Variants in CADPS observed in about 807,000 individuals in gnomAD.
CADPS encodes calcium dependent secretion activator, also known as calcium-dependent secretion activator 1.
CADPS carries 57 observed loss-of-function variants against 167.3 expected under a neutral mutation model. The observed-to-expected ratio is 0.34, with a 90% CI of 0.28 to 0.42. The LOEUF (loss-of-function observed/expected upper bound fraction) is 0.42. Among genes scored for constraint, CADPS ranks in the 20% least tolerant of loss-of-function variants. The probability of loss-of-function intolerance (pLI) is 1.00; values close to 1 mark genes in which losing one functional copy is unlikely to be tolerated. For missense variants in CADPS, 1,414 were observed against 1,738.1 expected (o/e 0.81, Z 3.32); for synonymous variants, 676 against 635.3 (o/e 1.06, Z -0.96).
At chr3:62,603,888 G>A (rs1276604021) in intron 6 of CADPS, among the ~76,000 whole-genome samples, 2 of 151,690 alleles carry the variant, frequency 1.3e-5, no homozygotes, top group African/African-American at 2.4e-5. Flanking sequence ...GTGCAGTGGC[G>A]TGATCTCGGC....
chr3:62,404,715 A>C (rs1707749030), intron 28 of CADPS: 1 of 151,796 alleles, frequency 6.6e-6, no homozygotes, highest in South Asian at 2.1e-4. Flanking sequence ...CATGGAGGCG[A>C]AACTGTCAGT....
chr3:62,818,059 T>C (rs2094711256), intron 1 of CADPS, among the ~76,000 whole-genome samples: 1 of 152,168 alleles, frequency 6.6e-6, no homozygotes, highest in African/African-American at 2.4e-5. Flanking sequence ...ATGTTAAAAT[T>C]CAGCGCCAAG....
chr3:62,693,627 C>CA (rs1429794840), intron 3 of CADPS, among the ~76,000 whole-genome samples: 3 of 151,072 alleles, frequency 2.0e-5, no homozygotes, highest in Non-Finnish European at 4.4e-5. Context: ...ACCAAAAATA[C>CA]AAAAAAAATT....
At chr3:62,668,909 G>A (rs958643564) in intron 3 of CADPS, among the ~76,000 whole-genome samples, 3 of 152,184 alleles carry the variant, frequency 2.0e-5, no homozygotes, top group Non-Finnish European at 2.9e-5. Context: ...AACGATCAGT[G>A]AGGGCTGGGA....
intron 1 of CADPS, among the ~76,000 whole-genome samples, chr3:62,820,863 C>T (rs953184840): frequency 6.8e-5 from 10 of 147,602 alleles, no homozygotes; most frequent in Non-Finnish European, 1.2e-4. Context: ...TGCAGTGGTG[C>T]GATCTTGGCT....
chr3:62,814,676 C>T (rs2152892762), intron 1 of CADPS, among the ~76,000 whole-genome samples: 1 of 152,198 alleles, frequency 6.6e-6, no homozygotes, highest in South Asian at 2.1e-4. Context: ...ACTTACAATT[C>T]CTTAAAAACT....
chr3:62,486,440 G>A lies in CADPS; in HGVS notation c.3027-4571C>T, dbSNP rs868036189. ...AGCCTGGGCGACAGAGCAAGACTCC[G>A]TCTCAAAAAAAAAAAAAAAAAAAAA... On this transcript the variant is annotated intron_variant, in intron 21 of 29. Transcript: ENST00000383710. Among the ~76,000 whole-genome samples the A allele has an allele frequency of 3.3e-3, 350 of 106,590 alleles. 2 individuals are homozygous for A. Among genetic ancestry groups the A allele is most frequent in the African/African-American group, 0.014 (312 of 22,766 alleles). 69.9% of individuals were successfully genotyped at this position (106,590 alleles called of 152,430 possible).
chr3:62,845,822 C>T (rs1013900196), intron 1 of CADPS, among the ~76,000 whole-genome samples: 1 of 152,136 alleles, frequency 6.6e-6, no homozygotes, highest in Admixed American at 6.5e-5. Context: ...TGACATGTGG[C>T]ATGCTTCTCT....
At chr3:62,572,191 T>G (rs964921403) in intron 8 of CADPS, among the ~76,000 whole-genome samples, 1 of 152,062 alleles carries the variant, frequency 6.6e-6, no homozygotes, top group East Asian at 1.9e-4. Flanking sequence ...CCCTTAAGAG[T>G]GGCTGGCAGC....
chr3:62,419,410 C>T (rs938431533), intron 28 of CADPS, among the ~76,000 whole-genome samples: 3 of 152,166 alleles, frequency 2.0e-5, no homozygotes, highest in African/African-American at 7.2e-5. Flanking sequence ...AGCCTCCATC[C>T]TCTCAAAGGA....
intron 3 of CADPS, among the ~76,000 whole-genome samples, chr3:62,724,445 C>T (rs1480737373): frequency 6.6e-6 from 1 of 152,168 alleles, no homozygotes; most frequent in East Asian, 1.9e-4. Flanking sequence ...CACAGACATA[C>T]ATTTAATTTT....
chr3:62,409,271 A>G (rs2048489174), intron 28 of CADPS, among the ~76,000 whole-genome samples: 1 of 152,252 alleles, frequency 6.6e-6, no homozygotes, highest in South Asian at 2.1e-4. Flanking sequence ...TTATAGAAGT[A>G]ATGGATTGGT....
chr3:62,628,441 A>C (rs73840550), intron 6 of CADPS, among the ~76,000 whole-genome samples: 2,035 of 152,240 alleles, frequency 0.013, 41 homozygotes, highest in African/African-American at 0.046. Context: ...AAAATCTAGT[A>C]ATATGCTTTG....
intron 3 of CADPS, among the ~76,000 whole-genome samples, chr3:62,669,748 T>C (rs908079464): frequency 1.3e-5 from 2 of 152,176 alleles, no homozygotes; most frequent in South Asian, 2.1e-4. Context: ...ACCTACCTCA[T>C]AGGATCGATA....
intron 28 of CADPS, among the ~76,000 whole-genome samples, chr3:62,436,955 G>C (rs1294674708): frequency 6.6e-6 from 1 of 151,742 alleles, no homozygotes; most frequent in Non-Finnish European, 1.5e-5. Flanking sequence ...CGCAGAATCA[G>C]AAAGCGGTGC....
intron 9 of CADPS, among the ~76,000 whole-genome samples, chr3:62,567,255 GT>G (rs2080388907): frequency 6.6e-6 from 1 of 151,930 alleles, no homozygotes. Context: ...TCTGAGAATG[GT>G]TGTCACCAGC....
chr3:62,872,088 C>T (rs988447761), intron 1 of CADPS, among the ~76,000 whole-genome samples: 2 of 150,844 alleles, frequency 1.3e-5, no homozygotes, highest in Non-Finnish European at 3.0e-5. Flanking sequence ...CTCTCTCTGA[C>T]CTCCATATCA....
intron 6 of CADPS, among the ~76,000 whole-genome samples, chr3:62,622,058 C>G (rs906653484): frequency 1.3e-5 from 2 of 152,126 alleles, no homozygotes; most frequent in Non-Finnish European, 2.9e-5. Context: ...CCAGCCCTTG[C>G]TCATCTCCTC....
At position 62,611,872 on chromosome 3, in the gene CADPS, T is replaced by C. The variant is rs535968642; in HGVS notation, c.1326-19124A>G. ...CCTAGCACTCCTTACTCTTCTTCCC[T>C]GCTCTTTTTTCTCCTTATCACTTAT... is the stretch of plus-strand genomic sequence containing the variant. On this transcript the variant is annotated intron_variant, in intron 6 of 29. Coordinates refer to ENST00000383710, the MANE Select transcript of CADPS (RefSeq NM_003716.4). Among the ~76,000 whole-genome samples, 446 of 152,358 alleles carry C rather than the reference T, an allele frequency of 2.9e-3. 3 individuals carry two copies. Among genetic ancestry groups the C allele is most frequent in the African/African-American group, 0.01 (429 of 41,582 alleles).
Sources: gnomAD v4.1 joint callset for allele counts (sites outside exome capture counted in the v4.1 genomes callset) on GRCh38, gnomAD v4.1.1 for gene constraint, MANE v1.5 for transcripts, NCBI Gene and HGNC (gene_info 2026-07-23, HGNC 2026-07-21) for gene names.